The following SEC14L1 variants were observed in gnomAD, a reference collection of about 807,000 sequenced individuals.
SEC14L1 encodes the protein SEC14 like lipid binding 1.
In SEC14L1, 48 loss-of-function variants were observed where a neutral mutation model predicts 85.3. The ratio of observed to expected loss-of-function variants is 0.56; its 90% CI spans 0.45 to 0.72. SEC14L1 has a LOEUF of 0.72. Ranked by LOEUF, SEC14L1 falls within the 30% of genes least tolerant of loss-of-function variation. The pLI, the probability that SEC14L1 is intolerant of heterozygous loss-of-function variation, is 0.00. For synonymous variants in SEC14L1, 391 were observed against 355.5 expected (o/e 1.10, Z -1.12); for missense variants, 682 against 921.4 (o/e 0.74, Z 3.36).
chr17:77,127,612 A>C (rs1008704736), intron 3 of SEC14L1, among the ~76,000 whole-genome samples: 1 of 151,528 alleles, frequency 6.6e-6, no homozygotes, highest in Non-Finnish European at 1.5e-5. Context: ...AGCCTCCCAA[A>C]GTGCTGGGAT....
rs1050255216 is a variant in SEC14L1, at chr17:77,206,848, A to C, written c.1462A>C (p.Ser488Arg). The stretch of plus-strand genomic sequence containing the variant: ...CAAAGAGATTATTCCAGATTTCCTG[A>C]GTGGGGAGTGCATGGTATGTCCTGA... The part of the protein sequence containing the change: ...IDKEIIPDFL[S>R]GECMCEVPEG... Residue 488 changes from serine to arginine, a missense_variant, in exon 13 of 17, where the codon AGT becomes CGT. By Grantham distance (110) the Ser-to-Arg change is moderately radical (BLOSUM62 -1). This residue lies in a region of SEC14L1 where 420 missense variants were observed against 619.5 expected (regional missense o/e 0.68). Coordinates refer to ENST00000436233, the MANE Select transcript of SEC14L1 (RefSeq NM_001143998.2). This position sits in a 1 kb window ranked among gnomAD's most constrained non-coding sequence, Gnocchi z 4.3. 3 of 1,605,788 alleles carry C rather than the reference A, an allele frequency of 1.9e-6. No homozygotes were observed. Among genetic ancestry groups the C allele is most frequent in the Non-Finnish European group, 2.5e-6 (3 of 1,176,700 alleles).
At chr17:77,204,790 A>G (rs147333605) in intron 10 of SEC14L1, among the ~76,000 whole-genome samples, 13 of 152,250 alleles carry the variant, frequency 8.5e-5, no homozygotes, top group Admixed American at 4.6e-4. Flanking sequence ...CCCCACATGC[A>G]CACGTTCACA....
intron 3 of SEC14L1, among the ~76,000 whole-genome samples, chr17:77,117,606 C>T (rs896058813): frequency 6.6e-6 from 1 of 152,168 alleles, no homozygotes; most frequent in African/African-American, 2.4e-5. Context: ...ATGGAGTTGG[C>T]CTGTCACCAA....
At chr17:77,119,339 A>G (rs1972246071) in intron 3 of SEC14L1, among the ~76,000 whole-genome samples, 1 of 151,724 alleles carries the variant, frequency 6.6e-6, no homozygotes. Context: ...AGCCTGGACA[A>G]TCACTGGGTC....
chr17:77,138,620 A>AAAAC (rs200665692), upstream of SEC14L1, among the ~76,000 whole-genome samples: 1,773 of 152,222 alleles, frequency 0.012, 45 homozygotes, highest in Admixed American at 0.039. Context: ...ACTCCATCTC[A>AAAAC]AAACAAACAA....
At chr17:77,142,912 C>T (rs184244278) in intron 2 of SEC14L1, among the ~76,000 whole-genome samples, 162 bp downstream of exon 2, 1 of 152,304 alleles carries the variant, frequency 6.6e-6, no homozygotes, top group East Asian at 1.9e-4. Context: ...AACATTTAAC[C>T]GATTACTTAC....
At chr17:77,197,308 C>T (rs1211146355) in intron 8 of SEC14L1, among the ~76,000 whole-genome samples, 1 of 152,228 alleles carries the variant, frequency 6.6e-6, no homozygotes, top group African/African-American at 2.4e-5. Context: ...CCACGTGACA[C>T]TCGGAACACG....
intron 3 of SEC14L1, among the ~76,000 whole-genome samples, chr17:77,173,436 C>A (rs551295035): frequency 1.1e-3 from 170 of 151,004 alleles, no homozygotes; most frequent in Non-Finnish European, 1.6e-3. Context: ...GGCAGATGGT[C>A]TAAAGGATCC....
At chr17:77,146,480 G>A (rs1180890099) in intron 3 of SEC14L1, among the ~76,000 whole-genome samples, 3 of 152,136 alleles carry the variant, frequency 2.0e-5, no homozygotes, top group African/African-American at 7.2e-5. Context: ...AGTTCATGCA[G>A]GACTTTACAG....
At chr17:77,191,155 C>A (rs140480030) in intron 4 of SEC14L1, 26 bp from the exon 5 acceptor site, 6 of 1,602,970 alleles carry the variant, frequency 3.7e-6, no homozygotes, top group Non-Finnish European at 5.1e-6. Context: ...TTAATAAACC[C>A]ATTTCTCTTT....
Position 77,206,347 on chromosome 17 carries a change from G to A in SEC14L1, c.1288G>A (p.Gly430Ser). ...GGAGGCCAACTACCCTGAGACACTG[G>A]GCCGCCTTCTCATCCTGCGGGCGCC... ...VVEANYPETL[G>S]RLLILRAPRV... The change falls in exon 12 of 17, where the codon GGC becomes AGC. Residue 430 changes from glycine (G) to serine (S), a missense_variant. Coordinates refer to ENST00000436233, the MANE Select transcript of SEC14L1 (RefSeq NM_001143998.2). The surrounding 1 kb of genome is among the most constrained non-coding windows in gnomAD (Gnocchi z 4.3). 1.2e-6 allele frequency: 2 copies of A among 1,614,078 alleles called. No individual in the cohort carries two copies. Among genetic ancestry groups the A allele is most frequent in the Non-Finnish European group, 8.5e-7 (1 of 1,180,012 alleles).
chr17:77,133,010 A>G (rs933560692), intron 3 of SEC14L1, among the ~76,000 whole-genome samples: 2 of 152,018 alleles, frequency 1.3e-5, no homozygotes, highest in Non-Finnish European at 2.9e-5. Context: ...CTGGGACCAC[A>G]GGTGAGTGCC....
intron 3 of SEC14L1, among the ~76,000 whole-genome samples, chr17:77,130,852 C>T (rs556750035): frequency 6.6e-5 from 10 of 152,042 alleles, no homozygotes; most frequent in East Asian, 1.9e-4. Flanking sequence ...GGGATCCGCC[C>T]GCCTCGACTT....
intron 3 of SEC14L1, among the ~76,000 whole-genome samples, chr17:77,173,930 T>G (rs1208885497): frequency 6.6e-6 from 1 of 151,894 alleles, no homozygotes; most frequent in Non-Finnish European, 1.5e-5. Context: ...AGGTGGAGTC[T>G]TGCTCTGTTG....
At chr17:77,192,777 C>T (rs7216827) in intron 5 of SEC14L1, among the ~76,000 whole-genome samples, 38,041 of 151,992 alleles carry the variant, frequency 0.25, 5,043 homozygotes, top group African/African-American at 0.32. Flanking sequence ...CCTCCTGCCC[C>T]AGCCTCCCAA....
intron 3 of SEC14L1, among the ~76,000 whole-genome samples, chr17:77,147,298 A>G (rs1430894928): frequency 6.6e-6 from 1 of 152,232 alleles, no homozygotes; most frequent in East Asian, 1.9e-4. Flanking sequence ...ATAGGTACAC[A>G]GTCAGGTCAG....
At chr17:77,180,049 TTATGTTA>T (rs1425705786) in intron 3 of SEC14L1, among the ~76,000 whole-genome samples, 1 of 16,876 alleles carries the variant, frequency 5.9e-5, no homozygotes, top group African/African-American at 1.4e-4. Flanking sequence ...TTTTGTTTTG[TTATGTTA>T]TGTTATGTTA....
intron 3 of SEC14L1, among the ~76,000 whole-genome samples, chr17:77,158,796 TC>T: frequency 7.2e-6 from 1 of 139,236 alleles, no homozygotes; most frequent in Non-Finnish European, 1.5e-5. Flanking sequence ...TAGCTTTCTT[TC>T]CTTTTTTTTT....
In SEC14L1 at chr17:77,125,224, T is replaced by C. The variant is rs8068635; in HGVS notation, c.-135-17422T>C. 7.3e-3 allele frequency among the ~76,000 whole-genome samples: 1,110 copies of C among 152,156 alleles called. 16 individuals are homozygous for C. Among genetic ancestry groups the C allele is most frequent in the African/African-American group, 0.025 (1,038 of 41,530 alleles). ...GTTGGCCAGGCCGGTCTCGAACTCCTGACCTCAAATGATCTGCCCGCCTCG... is the reference window on the plus strand; with the variant it reads ...GTTGGCCAGGCCGGTCTCGAACTCCCGACCTCAAATGATCTGCCCGCCTCG... On this transcript the variant is annotated intron_variant, in intron 3 of 19. Coordinates refer to the SEC14L1 transcript ENST00000392476.
Sources: allele counts gnomAD v4.1 joint callset (sites outside exome capture counted in the v4.1 genomes callset), GRCh38; gene constraint gnomAD v4.1.1; regional missense constraint gnomAD v4.1.1; non-coding constraint Gnocchi (gnomAD v3.1); transcripts MANE v1.5; gene names NCBI Gene and HGNC (gene_info 2026-07-23, HGNC 2026-07-21).